The following PCLO variants were observed in gnomAD, a reference collection of about 807,000 sequenced individuals.
The protein encoded by PCLO is protein piccolo.
A neutral mutation model predicts 427.5 loss-of-function variants in PCLO; 82 were observed. The ratio of observed to expected loss-of-function variants is 0.19; its 90% confidence interval spans 0.16 to 0.23. The LOEUF (loss-of-function observed/expected upper bound fraction) is 0.23, where lower values mean the gene tolerates loss of function less well. PCLO is among the 10% of genes least tolerant of loss of function. The probability of loss-of-function intolerance (pLI) is 1.00; values close to 1 mark genes in which losing one functional copy is unlikely to be tolerated. For missense variants in PCLO, 6,239 were observed against 6,115.9 expected (o/e 1.02, Z -0.67); for synonymous variants, 2,357 against 2,155.4 (o/e 1.09, Z -2.59).
chr7:82,770,706 T>C (rs1275463554), intron 22 of PCLO, among the ~76,000 whole-genome samples: 1 of 152,000 alleles, frequency 6.6e-6, no homozygotes, highest in Non-Finnish European at 1.5e-5. Flanking sequence ...GCTGAAATTG[T>C]ATCTCTCCTC....
intron 3 of PCLO, among the ~76,000 whole-genome samples, chr7:83,073,728 A>G (rs2116365814): frequency 6.6e-6 from 1 of 151,896 alleles, no homozygotes; most frequent in African/African-American, 2.4e-5. Flanking sequence ...GCTGAAATTC[A>G]GTTTTATTTT....
rs79117792 is a variant in PCLO at position 82,952,452 on chromosome 7, G to A, written c.8501C>T (p.Pro2834Leu). 928 of 1,613,876 alleles carry A rather than the reference G, an allele frequency of 5.8e-4. 7 individuals carry two copies. In the African/African-American group the frequency reaches 0.011, roughly 20 times the overall value. The change falls in exon 5 of 25, where the codon CCC (proline) becomes CTC (leucine). Residue 2834 changes from proline (P) to leucine (L), a missense_variant. Pro to Leu is a moderately conservative substitution (Grantham distance 98). Coordinates refer to ENST00000333891, the MANE Select transcript of PCLO (RefSeq NM_033026.6). ...LQLTTSKHAE[P>L]PYRIPSDQVF... ...CTGGTCACTTGGTATCCTGTATGGG[G>A]GCTCAGCATGCTTTGATGTTGTAAG...
At chr7:83,043,022 G>T (rs1789010510) in intron 3 of PCLO, among the ~76,000 whole-genome samples, 1 of 152,208 alleles carries the variant, frequency 6.6e-6, no homozygotes, top group African/African-American at 2.4e-5. Flanking sequence ...GAGATTTGGG[G>T]TTGAAAGATT....
At chr7:82,891,463 C>A (rs536655361) in intron 9 of PCLO, among the ~76,000 whole-genome samples, 1 of 152,062 alleles carries the variant, frequency 6.6e-6, no homozygotes, top group Non-Finnish European at 1.5e-5. Flanking sequence ...TCTAGATATA[C>A]AACCATGTCA....
At chr7:82,909,200 T>G (rs1251420021) in intron 7 of PCLO, among the ~76,000 whole-genome samples, 187 bp from the exon 8 acceptor site, 1 of 152,086 alleles carries the variant, frequency 6.6e-6, no homozygotes, top group South Asian at 2.1e-4. Context: ...ATGTCAAAAA[T>G]TTTAAACCAT....
chr7:82,765,633 T>C (rs1790517781), intron 22 of PCLO, among the ~76,000 whole-genome samples: 2 of 152,064 alleles, frequency 1.3e-5, no homozygotes, highest in African/African-American at 2.4e-5. Flanking sequence ...TATACCCTAA[T>C]ACTAATTGGC....
rs528299555 is a variant in PCLO at position 82,984,278 on chromosome 7, T to C, written c.3301-17791A>G. 1.7e-4 allele frequency among the ~76,000 whole-genome samples: 25 copies of C among 151,176 alleles called. 1 individual carries two copies. The highest frequency in any genetic ancestry group is 1.4e-3 in the Admixed American group (22 of 15,208). ...AAATATTAAGATTCCAAGGAACATA[T>C]TTGTTTTAATTATTCAATCATTACC... On this transcript the variant is annotated intron_variant, in intron 3 of 24. Transcript: ENST00000333891.
chr7:82,809,224 C>G (rs763008300), intron 20 of PCLO, among the ~76,000 whole-genome samples: 5 of 151,752 alleles, frequency 3.3e-5, no homozygotes, highest in Non-Finnish European at 5.9e-5. Flanking sequence ...TTTTGCCTCT[C>G]AAAAGAGTTT....
chr7:83,155,142 G>C lies in PCLO; in HGVS notation c.1499C>G (p.Pro500Arg), dbSNP rs375483530. ...TTTTGTTGAGCCAGGCTGTTGAGAT[G>C]GGGGCTTTGCTGAGCCAGGCTGTTG... The part of the protein sequence containing the change: ...PPQQPGSAKP[P>R]SQQPGSTKPP... The change falls in exon 2 of 25, where the codon CCA (proline) becomes CGA (arginine). Residue 500 changes from proline (P) to arginine (R), a missense_variant. By Grantham distance (103) the Pro-to-Arg change is moderately radical. Around this residue, in one of 5 missense-constraint regions of PCLO, gnomAD observed 4,677 missense variants for 4,468.4 expected, o/e 1.05. Transcript: ENST00000333891. The C allele has an allele frequency of 2.0e-6, 3 of 1,517,382 alleles. No homozygotes were observed. The highest frequency in any genetic ancestry group is 1.8e-6 in the Non-Finnish European group (2 of 1,115,710). 94.0% of individuals were successfully genotyped at this position (1,517,382 alleles called of 1,614,324 possible). A position where few individuals can be genotyped will look rare whatever the true frequency, so the allele number is the denominator to read the frequency against.
chr7:82,860,068 C>T (rs1792914037), intron 10 of PCLO, among the ~76,000 whole-genome samples: 1 of 151,840 alleles, frequency 6.6e-6, no homozygotes. Context: ...AGCACACCTA[C>T]AGGATCTAGG....
chr7:82,917,012 T>C (rs969639905), intron 6 of PCLO, 139 bp from the exon 7 acceptor site: 2 of 562,446 alleles, frequency 3.6e-6, no homozygotes, highest in African/African-American at 3.8e-5. Flanking sequence ...AATATATGCA[T>C]ATAATTTCAA....
In PCLO at chr7:82,756,406, A is replaced by G. The variant is rs1021985937; in HGVS notation, c.*2169T>C. 3 of 152,156 alleles carry G rather than the reference A, an allele frequency of 2.0e-5. No individual in the cohort carries two copies. Among genetic ancestry groups the G allele is most frequent in the Admixed American group, 6.5e-5 (1 of 15,268 alleles). 9.4% of individuals were successfully genotyped at this position (152,156 alleles called of 1,614,324 possible). On this transcript the variant is annotated 3_prime_UTR_variant, in exon 25 of 25. Coordinates refer to ENST00000333891, the MANE Select transcript of PCLO (RefSeq NM_033026.6). ...ATGTCTTTGATGATTCCACTCTCCC[A>G]TGCTCATTTGAGAGCAATGTCAATG...
chr7:82,899,332 A>G (rs966828450), intron 9 of PCLO, among the ~76,000 whole-genome samples: 38 of 151,522 alleles, frequency 2.5e-4, no homozygotes, highest in South Asian at 1.0e-3. Flanking sequence ...TTGCCAGGAA[A>G]TATTCAGTGC....
intron 3 of PCLO, among the ~76,000 whole-genome samples, chr7:82,981,216 A>C (rs1796139884): frequency 6.6e-6 from 1 of 151,964 alleles, no homozygotes; most frequent in East Asian, 1.9e-4. Context: ...TGGGAGGGAC[A>C]TATAATGATA....
chr7:82,827,486 A>G (rs1791973094), intron 17 of PCLO, among the ~76,000 whole-genome samples: 1 of 152,008 alleles, frequency 6.6e-6, no homozygotes, highest in African/African-American at 2.4e-5. Context: ...ATACAGTTCT[A>G]TGCACTGAAT....
chr7:83,033,644 A>G (rs1224644601), intron 3 of PCLO, among the ~76,000 whole-genome samples: 1 of 152,144 alleles, frequency 6.6e-6, no homozygotes, highest in Non-Finnish European at 1.5e-5. Flanking sequence ...CAGCACATAT[A>G]TTACTTTGTA....
At chr7:83,162,149 C>T (rs1008753248) in intron 1 of PCLO, among the ~76,000 whole-genome samples, 196 bp downstream of exon 1, 1 of 152,192 alleles carries the variant, frequency 6.6e-6, no homozygotes, top group Non-Finnish European at 1.5e-5. Context: ...GACTATCCCA[C>T]CAGAAACTCT....
intron 2 of PCLO, among the ~76,000 whole-genome samples, chr7:83,148,383 T>G (rs1792046555): frequency 6.6e-6 from 1 of 152,218 alleles, no homozygotes; most frequent in South Asian, 2.1e-4. Context: ...TCTCACCATA[T>G]GTTTTATTTA....
chr7:82,776,026 T>G (rs1790741776), intron 22 of PCLO, among the ~76,000 whole-genome samples: 1 of 152,166 alleles, frequency 6.6e-6, no homozygotes, highest in Admixed American at 6.5e-5. Flanking sequence ...TATGGTTACT[T>G]ACTGGTGATA....
Sources: gnomAD v4.1 joint callset for allele counts (sites outside exome capture counted in the v4.1 genomes callset) on GRCh38, gnomAD v4.1.1 for gene constraint, gnomAD v4.1.1 regional missense constraint, MANE v1.5 for transcripts, NCBI Gene and HGNC (gene_info 2026-07-23, HGNC 2026-07-21) for gene names.